Variants in KSR1 observed in about 807,000 individuals in gnomAD.
KSR1 encodes kinase suppressor of ras 1, also known as kinase suppressor of ras.
In KSR1, 35 loss-of-function variants were observed where a neutral mutation model predicts 92.9. The observed-to-expected ratio is 0.38, with a 90% CI of 0.29 to 0.50. The LOEUF (loss-of-function observed/expected upper bound fraction) is 0.50, where lower values mean the gene tolerates loss of function less well. Ranked by LOEUF, KSR1 falls within the 20% of genes least tolerant of loss-of-function variation. The pLI is 0.94. For missense variants in KSR1, 972 were observed against 1,158.5 expected (o/e 0.84, Z 2.34); for synonymous variants, 467 against 472.6 (o/e 0.99, Z 0.15).
chr17:27,622,223 G>A (rs776054849), intron 20 of KSR1: 13 of 499,144 alleles, frequency 2.6e-5, no homozygotes, highest in Non-Finnish European at 4.7e-5. Flanking sequence ...TCCTGGACAT[G>A]ACTGATTGCT....
intron 2 of KSR1, among the ~76,000 whole-genome samples, chr17:27,551,873 G>A (rs1040639380): frequency 1.3e-4 from 20 of 152,196 alleles, no homozygotes; most frequent in Non-Finnish European, 2.1e-4. Context: ...CCACCCAGCA[G>A]CCAGGGTGCT....
At chr17:27,522,156 G>T (rs1046241900) in intron 1 of KSR1, among the ~76,000 whole-genome samples, 1 of 152,096 alleles carries the variant, frequency 6.6e-6, no homozygotes, top group African/African-American at 2.4e-5. Flanking sequence ...CCTTGAGCCC[G>T]GTGGAGTGTC....
intron 18 of KSR1, 53 bp from the exon 19 acceptor site, chr17:27,617,242 G>T: frequency 1.9e-6 from 3 of 1,559,028 alleles, no homozygotes; most frequent in Non-Finnish European, 2.6e-6. Flanking sequence ...CCTACTGTGT[G>T]CCCCCTCCCT....
intron 1 of KSR1, among the ~76,000 whole-genome samples, chr17:27,512,979 A>G (rs931268007): frequency 2.0e-5 from 3 of 152,112 alleles, no homozygotes; most frequent in Non-Finnish European, 2.9e-5. Context: ...GCCACGCACA[A>G]CATTAGCTTG....
intron 1 of KSR1, among the ~76,000 whole-genome samples, chr17:27,508,992 A>G (rs545638737): frequency 2.0e-5 from 3 of 152,036 alleles, no homozygotes; most frequent in African/African-American, 7.2e-5. Context: ...TGACCTCCCA[A>G]AGTGCTGGGA....
At chr17:27,603,765 C>A (rs2073651069) in intron 11 of KSR1, 69 bp from the exon 12 acceptor site, 1 of 1,538,058 alleles carries the variant, frequency 6.5e-7, no homozygotes, top group Non-Finnish European at 9.0e-7. Flanking sequence ...TGCTGGGTTT[C>A]AAGCACGGTG....
chr17:27,568,627 C>G (rs1315692839), intron 2 of KSR1, among the ~76,000 whole-genome samples: 3 of 152,232 alleles, frequency 2.0e-5, no homozygotes, highest in Non-Finnish European at 2.9e-5. Context: ...CTGTTTAGTT[C>G]TGTCAGTGCC....
chr17:27,539,570 C>T (rs565798474), intron 1 of KSR1, among the ~76,000 whole-genome samples: 8 of 152,338 alleles, frequency 5.3e-5, no homozygotes, highest in South Asian at 2.1e-4. Context: ...TGGAGTCCAA[C>T]GGTGCCGGGC....
chr17:27,587,081 C>T (rs1357244692), intron 5 of KSR1: 3 of 152,222 alleles, frequency 2.0e-5, no homozygotes, highest in African/African-American at 7.2e-5. Context: ...CCATGTTAGC[C>T]AGGCTGGTCT....
intron 2 of KSR1, among the ~76,000 whole-genome samples, chr17:27,557,119 C>T (rs942462928): frequency 6.6e-6 from 1 of 152,188 alleles, no homozygotes; most frequent in African/African-American, 2.4e-5. Flanking sequence ...AGAAACCTGG[C>T]CCAGGGGGTG....
chr17:27,592,167 T>A (rs1481121958), intron 7 of KSR1, among the ~76,000 whole-genome samples, 194 bp from the exon 8 acceptor site: 1 of 152,182 alleles, frequency 6.6e-6, no homozygotes, highest in African/African-American at 2.4e-5. Context: ...ACGTGGTAAA[T>A]GCTCAGCATA....
At chr17:27,569,967 T>G (rs2072241831) in intron 2 of KSR1, among the ~76,000 whole-genome samples, 1 of 152,208 alleles carries the variant, frequency 6.6e-6, no homozygotes, top group Non-Finnish European at 1.5e-5. Context: ...AAGTGGTGGC[T>G]GTGGTGACAG....
intron 1 of KSR1, among the ~76,000 whole-genome samples, chr17:27,493,619 CA>C (rs1410424514): frequency 6.6e-6 from 1 of 152,148 alleles, no homozygotes; most frequent in Non-Finnish European, 1.5e-5. Flanking sequence ...GCCCTTTTAA[CA>C]ATGCTGATTT....
At chr17:27,569,888 C>T (rs1281563677) in intron 2 of KSR1, among the ~76,000 whole-genome samples, 2 of 152,206 alleles carry the variant, frequency 1.3e-5, no homozygotes, top group South Asian at 2.1e-4. Context: ...GGCCTTTCCA[C>T]GCTGATAGGG....
At chr17:27,591,544 C>T (rs537430105) in intron 7 of KSR1, among the ~76,000 whole-genome samples, 17 of 152,342 alleles carry the variant, frequency 1.1e-4, no homozygotes, top group African/African-American at 4.1e-4. Flanking sequence ...GGGGATGGCT[C>T]TGAGAACCTG....
intron 9 of KSR1, among the ~76,000 whole-genome samples, chr17:27,594,881 C>A (rs956425382): frequency 6.6e-6 from 1 of 152,148 alleles, no homozygotes; most frequent in Non-Finnish European, 1.5e-5. Context: ...GATTGAACAA[C>A]GCTATGACCT....
intron 2 of KSR1, among the ~76,000 whole-genome samples, chr17:27,575,156 T>C (rs2072457127): frequency 6.6e-6 from 1 of 152,228 alleles, no homozygotes; most frequent in African/African-American, 2.4e-5. Flanking sequence ...GGCAAGTTTA[T>C]TAGAGAAGTG....
chr17:27,548,551 C>T (rs1005558307), intron 1 of KSR1, among the ~76,000 whole-genome samples: 10 of 150,918 alleles, frequency 6.6e-5, no homozygotes, highest in Admixed American at 1.3e-4. Context: ...CCTTAGCCTC[C>T]GAAAGTGCTG....
chr17:27,526,624 G>T, intron 1 of KSR1: 1 of 1,566,448 alleles, frequency 6.4e-7, no homozygotes, highest in Non-Finnish European at 8.8e-7. Context: ...TTCAGTCCTC[G>T]TGCATCTTTT....
Sources: gnomAD v4.1 joint callset for allele counts (sites outside exome capture counted in the v4.1 genomes callset) on GRCh38, gnomAD v4.1.1 for gene constraint, MANE v1.5 for transcripts, NCBI Gene and HGNC (gene_info 2026-07-23, HGNC 2026-07-21) for gene names.